Variants in AMDHD2 observed in about 807,000 individuals in gnomAD.
AMDHD2 encodes the protein amidohydrolase domain containing 2, also known as N-acetylglucosamine-6-phosphate deacetylase.
A neutral mutation model predicts 41.8 loss-of-function variants in AMDHD2; 24 were observed. The ratio of observed to expected loss-of-function variants is 0.57; its 90% CI spans 0.42 to 0.81. AMDHD2 has a LOEUF of 0.81. Among genes scored for constraint, AMDHD2 ranks in the 30% least tolerant of loss-of-function variants. AMDHD2 has a pLI of 0.00. For missense variants in AMDHD2, 540 were observed against 588.5 expected (o/e 0.92, Z 0.85); for synonymous variants, 332 against 255.5 (o/e 1.30, Z -2.85).
intron 3 of AMDHD2, among the ~76,000 whole-genome samples, chr16:2,523,590 T>A (rs2065968543): frequency 1.3e-5 from 2 of 152,168 alleles, no homozygotes; most frequent in Admixed American, 1.3e-4. Context: ...CCACTCAGTA[T>A]TAGCCATGGA....
Position 2,529,098 on chromosome 16 carries a change from G to A in AMDHD2, c.1141+3G>A, listed in dbSNP as rs2066049076. 3 of 1,567,088 alleles carry A rather than the reference G, an allele frequency of 1.9e-6. No individual in the cohort carries two copies. The highest frequency in any genetic ancestry group is 1.7e-6 in the Non-Finnish European group (2 of 1,157,598). Reference sequence around the variant, plus strand: ...CCTGGACTTTGGTGCTGACGCAGGTGAGGGCCTGTCGCAGGGTCACCGGGC... The same window carrying A: ...CCTGGACTTTGGTGCTGACGCAGGTAAGGGCCTGTCGCAGGGTCACCGGGC... On this transcript the variant is annotated splice_donor_region_variant and intron_variant, in intron 10 of 10. Transcript: ENST00000293971.
chr16:2,525,278 G>A (rs1216455076), intron 3 of AMDHD2, among the ~76,000 whole-genome samples: 2 of 151,328 alleles, frequency 1.3e-5, no homozygotes, highest in Non-Finnish European at 2.9e-5. Context: ...GGCTGGTCTC[G>A]AACTCCTGAC....
rs2066071598 is a variant in AMDHD2 at position 2,530,359 on chromosome 16, C to G, written c.*796C>G. 5 of 1,614,176 alleles carry G rather than the reference C, an allele frequency of 3.1e-6. No individual in the cohort carries two copies. Among genetic ancestry groups the G allele is most frequent in the Non-Finnish European group, 4.2e-6 (5 of 1,180,012 alleles). ...CCCATTAGTGTCATCCTGCCATCTT[C>G]TGTGTCCCCTTGGCCCTGGCACACA... On this transcript the variant is annotated 3_prime_UTR_variant, in exon 11 of 11. Transcript: ENST00000293971.
Position 2,530,444 on chromosome 16 carries a change from T to C in AMDHD2, c.*881T>C, listed in dbSNP as rs774634982. 2 of 1,614,102 alleles carry C rather than the reference T, an allele frequency of 1.2e-6. No individual in the cohort carries two copies. The highest frequency in any genetic ancestry group is 1.7e-5 in the Admixed American group (1 of 60,018). On this transcript the variant is annotated 3_prime_UTR_variant, in exon 11 of 11. Coordinates refer to ENST00000293971, the MANE Select transcript of AMDHD2 (RefSeq NM_001330449.2). ...AACAGCTTCGAGGCGGGTGGGCTTC[T>C]GGAGCCCTCTTGGCTCTGAGGACAG... is the stretch of plus-strand genomic sequence containing the variant.
At position 2,529,609 on chromosome 16, in the gene AMDHD2, C is replaced by G. The variant is rs1173049393; in HGVS notation, c.*46C>G. The G allele has an allele frequency of 6.2e-7, 1 of 1,600,968 alleles. No individual in the cohort carries two copies. The highest frequency in any genetic ancestry group is 2.2e-5 in the East Asian group (1 of 44,848). ...ACACCTGGCCGCAGCGGGATGCCAT[C>G]AGGGCCGGGTGGTTGGGGAGCTGGT... On this transcript the variant is annotated 3_prime_UTR_variant, in exon 11 of 11. Transcript: ENST00000293971.
rs764218244 is a variant in AMDHD2, at chr16:2,528,354, G to A, written c.836G>A (p.Arg279Gln). The A allele has an allele frequency of 1.2e-5, 20 of 1,612,770 alleles. No individual in the cohort carries two copies. Among genetic ancestry groups the A allele is most frequent in the African/African-American group, 2.7e-5 (2 of 74,912 alleles). The change falls in exon 7 of 11, where the codon CGG (arginine) becomes CAG (glutamine). Residue 279 changes from arginine (R) to glutamine (Q), a missense_variant. Physicochemically the swap from Arg to Gln is conservative, Grantham distance 43. Coordinates refer to ENST00000293971, the MANE Select transcript of AMDHD2 (RefSeq NM_001330449.2). ...ACGCACACCAACCCCGCCGCCCTGC[G>A]GATCGCCCACCGTGCCCATCCCCAG... ...DGTHTNPAAL[R>Q]IAHRAHPQGL...
chr16:2,529,890 A>G lies in AMDHD2; in HGVS notation c.*327A>G. 1 of 1,163,602 alleles carries G rather than the reference A, an allele frequency of 8.6e-7. No individual in the cohort carries two copies. The highest frequency in any genetic ancestry group is 1.2e-6 in the Non-Finnish European group (1 of 861,768). 72.1% of individuals were successfully genotyped at this position (1,163,602 alleles called of 1,614,324 possible). On this transcript the variant is annotated 3_prime_UTR_variant, in exon 11 of 11. Coordinates refer to ENST00000293971, the MANE Select transcript of AMDHD2 (RefSeq NM_001330449.2). Reference sequence around the variant, plus strand: ...GACAGGGCCTGTCTGCATGAAGTGGACCGGAGACCTGCAGACCCCAGGAAA... The same window carrying G: ...GACAGGGCCTGTCTGCATGAAGTGGGCCGGAGACCTGCAGACCCCAGGAAA...
intron 3 of AMDHD2, among the ~76,000 whole-genome samples, chr16:2,522,491 C>T (rs981626070): frequency 5.3e-5 from 8 of 152,146 alleles, no homozygotes; most frequent in Admixed American, 4.6e-4. Context: ...TCTTGGCTAA[C>T]ACAGTGAAAC....
At chr16:2,524,523 C>T (rs1052168953) in intron 3 of AMDHD2, among the ~76,000 whole-genome samples, 3 of 152,212 alleles carry the variant, frequency 2.0e-5, no homozygotes, top group Non-Finnish European at 4.4e-5. Context: ...CTCTATGTAG[C>T]GCCCTCTTGC....
In AMDHD2 at chr16:2,531,225, G is replaced by A; in HGVS notation, c.*1662G>A. On this transcript the variant is annotated 3_prime_UTR_variant, in exon 11 of 11. Coordinates refer to ENST00000293971, the MANE Select transcript of AMDHD2 (RefSeq NM_001330449.2). ...CCTCCCTGGCTGGAGGGTCGGGGAGGGGCTGGCAGAGATGGTTGGTCCACA... is the reference window on the plus strand; with the variant it reads ...CCTCCCTGGCTGGAGGGTCGGGGAGAGGCTGGCAGAGATGGTTGGTCCACA... 9.7e-7 allele frequency: 1 copy of A among 1,027,936 alleles called. No homozygotes were observed. The highest frequency in any genetic ancestry group is 1.4e-6 in the Non-Finnish European group (1 of 713,504). The allele number at this position is 1,027,936 out of a possible 1,614,324, so 63.7% of individuals were successfully genotyped here. A position where few individuals can be genotyped will look rare whatever the true frequency, so the allele number is the denominator to read the frequency against.
At position 2,527,835 on chromosome 16, in the gene AMDHD2, C is replaced by G. The variant is rs1180648512; in HGVS notation, c.478C>G (p.Leu160Val). ...GCGGGGCGCGCACCCCGAGGCCCAC[C>G]TCCGCTCCTTCGAGGCCGATGCCTT... ...EKRGAHPEAH[L>V]RSFEADAFQD... The change falls in exon 5 of 11, where the codon CTC becomes GTC. Residue 160 changes from leucine (L) to valine (V), a missense_variant. Leu to Val is a conservative substitution (Grantham distance 32). Transcript: ENST00000293971. This position sits in a 1 kb window ranked among gnomAD's most constrained non-coding sequence, Gnocchi z 6.1. 6.3e-7 allele frequency: 1 copy of G among 1,596,670 alleles called. No homozygotes were observed. The highest frequency in any genetic ancestry group is 1.1e-5 in the South Asian group (1 of 90,772).
At chr16:2,524,369 T>C (rs2065977575) in intron 3 of AMDHD2, among the ~76,000 whole-genome samples, 2 of 152,348 alleles carry the variant, frequency 1.3e-5, no homozygotes, top group East Asian at 1.9e-4. Context: ...TGTTACCTCC[T>C]GAGCCAAGGT....
chr16:2,528,146 C>A lies in AMDHD2; in HGVS notation c.715C>A (p.Pro239Thr). ...CACCCACCTCTTCAACGCCATGCTG[C>A]CTGTGAGTGCTATGGGGCCCCAGGG... ...FITHLFNAML[P>T]FHHRDPGIVG... Residue 239 changes from proline to threonine, a missense_variant and splice_region_variant, in exon 6 of 11, where the codon CCT (proline) becomes ACT (threonine). Pro to Thr is a conservative substitution (Grantham distance 38). Transcript: ENST00000293971. 6.2e-7 allele frequency: 1 copy of A among 1,613,104 alleles called. No individual in the cohort carries two copies. Among genetic ancestry groups the A allele is most frequent in the Non-Finnish European group, 8.5e-7 (1 of 1,179,888 alleles).
In AMDHD2 at chr16:2,530,653, A is replaced by G; in HGVS notation, c.*1090A>G. ...TTCTCTTCCCTCTGCTGCAAAGCCC[A>G]GTTAAGGAAATGTCTCCAGGTCCAA... On this transcript the variant is annotated 3_prime_UTR_variant, in exon 11 of 11. Coordinates refer to ENST00000293971, the MANE Select transcript of AMDHD2 (RefSeq NM_001330449.2). The G allele has an allele frequency of 6.2e-7, 1 of 1,614,180 alleles. No individual in the cohort carries two copies. Among genetic ancestry groups the G allele is most frequent in the Non-Finnish European group, 8.5e-7 (1 of 1,180,024 alleles).
chr16:2,520,736 C>T (rs780921908), intron 1 of AMDHD2, 33 bp from the exon 2 acceptor site: 15 of 1,514,338 alleles, frequency 9.9e-6, no homozygotes, highest in South Asian at 9.8e-5. Flanking sequence ...AGGTCAGGCC[C>T]GCGATGCGAG....
At position 2,529,952 on chromosome 16, in the gene AMDHD2, C is replaced by G. The variant is rs2066062953; in HGVS notation, c.*389C>G. 3.6e-6 allele frequency: 3 copies of G among 830,740 alleles called. No homozygotes were observed. Among genetic ancestry groups the G allele is most frequent in the Non-Finnish European group, 5.3e-6 (3 of 561,150 alleles). 51.5% of individuals were successfully genotyped at this position (830,740 alleles called of 1,614,324 possible). On this transcript the variant is annotated 3_prime_UTR_variant, in exon 11 of 11. Coordinates refer to ENST00000293971, the MANE Select transcript of AMDHD2 (RefSeq NM_001330449.2). ...GGAGGGAGGGGCAGGCAGTCAGTGGCTGGTGCCATGGGGTGAAGCCACCAT... is the reference window on the plus strand; with the variant it reads ...GGAGGGAGGGGCAGGCAGTCAGTGGGTGGTGCCATGGGGTGAAGCCACCAT...
In AMDHD2 at chr16:2,528,124, C is replaced by T. The variant is rs778907096; in HGVS notation, c.693C>T (p.Thr231=). ...DAVWSGATFI[T]HLFNAMLPFH... is the part of the protein sequence containing the mutation. ...TGTGGAGCGGAGCCACCTTCATCAC[C>T]CACCTCTTCAACGCCATGCTGCCTG... The change falls in exon 6 of 11, where the codon ACC becomes ACT. Residue 231 remains threonine (T), a synonymous_variant. Coordinates refer to ENST00000293971, the MANE Select transcript of AMDHD2 (RefSeq NM_001330449.2). 13 of 1,613,092 alleles carry T rather than the reference C, an allele frequency of 8.1e-6. No individual in the cohort carries two copies. In the Middle Eastern group the frequency reaches 4.9e-4, roughly 61 times the overall value.
chr16:2,523,988 C>T (rs190835437), intron 3 of AMDHD2, among the ~76,000 whole-genome samples: 3 of 152,342 alleles, frequency 2.0e-5, no homozygotes, highest in East Asian at 3.9e-4. Flanking sequence ...GGAAGAGTCT[C>T]TGACAAGTAG....
intron 3 of AMDHD2, among the ~76,000 whole-genome samples, chr16:2,522,191 C>T (rs901929670): frequency 8.5e-5 from 13 of 152,146 alleles, no homozygotes; most frequent in Non-Finnish European, 1.9e-4. Context: ...TCAAGCGATC[C>T]TCTTGCTTCA....
Sources: gnomAD v4.1 joint callset for allele counts (sites outside exome capture counted in the v4.1 genomes callset) on GRCh38, gnomAD v4.1.1 for gene constraint, Gnocchi (gnomAD v3.1) non-coding constraint, MANE v1.5 for transcripts, NCBI Gene and HGNC (gene_info 2026-07-23, HGNC 2026-07-21) for gene names.